Variants in NRXN1 observed in about 807,000 individuals in gnomAD.
The protein encoded by NRXN1 is neurexin 1.
In NRXN1, 39 loss-of-function variants were observed where a neutral mutation model predicts 150.9. The observed-to-expected ratio is 0.26, with a 90% CI of 0.20 to 0.34. NRXN1 has a LOEUF of 0.34. NRXN1 is among the 10% of genes least tolerant of loss of function. The pLI is 1.00. For missense variants in NRXN1, 1,815 were observed against 1,949.9 expected, an observed-to-expected ratio of 0.93 and a Z score of 1.30; for synonymous variants, 924 against 757.0, an observed-to-expected ratio of 1.22 and a Z score of -3.62.
chr2:50,287,238 T>C (rs886635916), intron 17 of NRXN1, among the ~76,000 whole-genome samples: 2 of 152,120 alleles, frequency 1.3e-5, no homozygotes, highest in Admixed American at 1.3e-4. Context: ...ATTTCCTGGA[T>C]TGAAAATTAA....
At chr2:50,693,735 A>T (rs1359616320) in intron 5 of NRXN1, among the ~76,000 whole-genome samples, 1 of 152,184 alleles carries the variant, frequency 6.6e-6, no homozygotes, top group Non-Finnish European at 1.5e-5. Context: ...ATATTTTCAA[A>T]ATTGCAGATA....
intron 18 of NRXN1, among the ~76,000 whole-genome samples, chr2:50,144,984 A>G (rs1221665983): frequency 4.0e-5 from 6 of 151,842 alleles, no homozygotes; most frequent in Non-Finnish European, 5.9e-5. Context: ...ATGATAAACT[A>G]TATCATTCCT....
intron 2 of NRXN1, among the ~76,000 whole-genome samples, chr2:50,994,047 T>C (rs1043101260): frequency 1.3e-5 from 2 of 152,004 alleles, no homozygotes; most frequent in Non-Finnish European, 2.9e-5. Flanking sequence ...ATGTTCTCTG[T>C]GCCAGACATG....
At chr2:50,788,254 T>A (rs1039381573) in intron 5 of NRXN1, among the ~76,000 whole-genome samples, 1 of 150,018 alleles carries the variant, frequency 6.7e-6, no homozygotes, top group Non-Finnish European at 1.5e-5. Flanking sequence ...GCCTGGTTAA[T>A]TTTTTTTGTA....
At chr2:50,638,071 G>A (rs937704945) in intron 5 of NRXN1, among the ~76,000 whole-genome samples, 39 of 152,056 alleles carry the variant, frequency 2.6e-4, no homozygotes, top group Middle Eastern at 3.4e-3. Flanking sequence ...GTTGGAAGAG[G>A]GAGATCCATA....
At chr2:49,999,234 C>A (rs1683508050) in intron 21 of NRXN1, among the ~76,000 whole-genome samples, 1 of 152,048 alleles carries the variant, frequency 6.6e-6, no homozygotes, top group East Asian at 1.9e-4. Context: ...GAGTGATTGG[C>A]TACTCTCCTA....
At chr2:50,500,881 C>T (rs2091905941) in intron 13 of NRXN1, among the ~76,000 whole-genome samples, 1 of 152,080 alleles carries the variant, frequency 6.6e-6, no homozygotes, top group Non-Finnish European at 1.5e-5. Flanking sequence ...CTTAAAATTG[C>T]TGATTGTGTG....
At chr2:50,181,003 G>T (rs1451705318) in intron 18 of NRXN1, among the ~76,000 whole-genome samples, 1 of 151,912 alleles carries the variant, frequency 6.6e-6, no homozygotes, top group East Asian at 1.9e-4. Context: ...TTATATTTGT[G>T]TTTTCCAATT....
intron 5 of NRXN1, among the ~76,000 whole-genome samples, chr2:50,663,717 T>C (rs1321404713): frequency 1.3e-5 from 2 of 152,002 alleles, no homozygotes; most frequent in Non-Finnish European, 2.9e-5. Context: ...AACTTTCAAA[T>C]GCATATGCAT....
chr2:50,295,467 T>C (rs1273534620), intron 17 of NRXN1, among the ~76,000 whole-genome samples: 2 of 152,222 alleles, frequency 1.3e-5, no homozygotes, highest in Non-Finnish European at 2.9e-5. Flanking sequence ...AATTGTTTAA[T>C]ATTACCATCT....
intron 5 of NRXN1, chr2:50,829,796 G>C (rs1671134309): frequency 6.7e-7 from 1 of 1,499,002 alleles, no homozygotes; most frequent in Admixed American, 2.1e-5. Flanking sequence ...TATTTATGAA[G>C]TAACTTAACT....
At chr2:50,037,637 G>T (rs536595750) in intron 21 of NRXN1, among the ~76,000 whole-genome samples, 16 of 152,324 alleles carry the variant, frequency 1.1e-4, no homozygotes, top group African/African-American at 3.8e-4. Context: ...ACCATCAGAA[G>T]TGAATGACAA....
chr2:50,205,342 C>T (rs970418439), intron 18 of NRXN1, among the ~76,000 whole-genome samples: 2 of 152,136 alleles, frequency 1.3e-5, no homozygotes, highest in South Asian at 4.1e-4. Context: ...TGGATGATTA[C>T]TGAAATATTT....
intron 18 of NRXN1, among the ~76,000 whole-genome samples, chr2:50,179,850 C>A (rs757905803): frequency 2.6e-5 from 4 of 152,050 alleles, no homozygotes; most frequent in Non-Finnish European, 5.9e-5. Flanking sequence ...CCAGGCAGAT[C>A]GAAACTGCCT....
intron 5 of NRXN1, among the ~76,000 whole-genome samples, chr2:50,669,793 A>G (rs1186710309): frequency 6.6e-6 from 1 of 151,030 alleles, no homozygotes. Flanking sequence ...TGGCTTTTCC[A>G]CAGCTACTCA....
At chr2:50,548,710 T>C (rs10192467) in intron 9 of NRXN1, among the ~76,000 whole-genome samples, 18,683 of 151,062 alleles carry the variant, frequency 0.12, 1,973 homozygotes, top group African/African-American at 0.29. Flanking sequence ...ATGGAAATTA[T>C]GAACCTTATA....
Position 50,033,776 on chromosome 2 carries a change from T to TAC in NRXN1, c.4128+19493_4128+19494dup, listed in dbSNP as rs376208854. Among the ~76,000 whole-genome samples, 46 of 151,014 alleles carry TAC rather than the reference T, an allele frequency of 3.0e-4. 1 individual carries two copies. The highest frequency in any genetic ancestry group is 1.0e-3 in the African/African-American group (42 of 41,254). On this transcript the variant is annotated intron_variant, in intron 21 of 22. Transcript: ENST00000401669. ...CATCTATAAGGAATTTAAACACATT[T>TAC]ACACACACACACACAAACCCAATTA...
chr2:50,879,168 A>G (rs1679058486), intron 5 of NRXN1, among the ~76,000 whole-genome samples: 2 of 151,882 alleles, frequency 1.3e-5, no homozygotes, highest in African/African-American at 4.8e-5. Context: ...TTTCTCAGAA[A>G]GGAGGGATTC....
At chr2:50,571,984 A>C (rs1291045257) in intron 8 of NRXN1, among the ~76,000 whole-genome samples, 1 of 152,074 alleles carries the variant, frequency 6.6e-6, no homozygotes, top group Non-Finnish European at 1.5e-5. Context: ...TTGGCAGGGT[A>C]CTCTATCAGT....
Sources: gnomAD v4.1 joint callset for allele counts (sites outside exome capture counted in the v4.1 genomes callset) on GRCh38, gnomAD v4.1.1 for gene constraint, MANE v1.5 for transcripts, NCBI Gene and HGNC (gene_info 2026-07-23, HGNC 2026-07-21) for gene names.